POFUT3: variants seen among roughly 807,000 people sequenced by gnomAD.
POFUT3 encodes the protein protein O-fucosyltransferase 3.
chr8:33,322,560 G>A, the POFUT3 span, among the ~76,000 whole-genome samples: 1 of 152,016 alleles, frequency 6.6e-6, no homozygotes, highest in Admixed American at 6.6e-5. Context: ...GGGATGGCAG[G>A]CAGGTGTATG....
chr8:33,432,934 C>T, the POFUT3 span, among the ~76,000 whole-genome samples: 1 of 151,972 alleles, frequency 6.6e-6, no homozygotes, highest in Non-Finnish European at 1.5e-5. Context: ...TATAGAAGTA[C>T]TTAAAATCAT....
At chr8:33,321,719 T>A in the POFUT3 span, among the ~76,000 whole-genome samples, 1 of 152,110 alleles carries the variant, frequency 6.6e-6, no homozygotes, top group Admixed American at 6.6e-5. Flanking sequence ...GGTGGCCATC[T>A]TGGAAACAAA....
the POFUT3 span, chr8:33,436,200 G>C: frequency 7.8e-7 from 1 of 1,279,654 alleles, no homozygotes; most frequent in African/African-American, 1.5e-5. Context: ...GCACCAAGCC[G>C]AGAACGTCCC....
the POFUT3 span, among the ~76,000 whole-genome samples, chr8:33,318,092 T>C: frequency 1.3e-5 from 2 of 152,106 alleles, no homozygotes; most frequent in African/African-American, 4.8e-5. Flanking sequence ...CTTTTGATGC[T>C]CTGGGCATAA....
chr8:33,331,709 T>C, the POFUT3 span, among the ~76,000 whole-genome samples: 1 of 151,898 alleles, frequency 6.6e-6, no homozygotes, highest in Non-Finnish European at 1.5e-5. Flanking sequence ...GGAGTCTCGC[T>C]CTGTCGCCCA....
the POFUT3 span, among the ~76,000 whole-genome samples, chr8:33,318,304 G>A: frequency 6.6e-6 from 1 of 150,712 alleles, no homozygotes; most frequent in East Asian, 1.9e-4. Context: ...GAATCTTGGG[G>A]GTGCTTAAAA....
chr8:33,387,523 G>C, the POFUT3 span, among the ~76,000 whole-genome samples: 1 of 152,128 alleles, frequency 6.6e-6, no homozygotes, highest in South Asian at 2.1e-4. Context: ...TTTAGATAAG[G>C]CCAGATGTGG....
chr8:33,317,247 G>T, the POFUT3 span, among the ~76,000 whole-genome samples: 1 of 152,090 alleles, frequency 6.6e-6, no homozygotes, highest in Non-Finnish European at 1.5e-5. Flanking sequence ...TCAGAAGCCT[G>T]GACCCCCACC....
chr8:33,345,035 C>T, the POFUT3 span, among the ~76,000 whole-genome samples: 30 of 152,118 alleles, frequency 2.0e-4, no homozygotes, highest in African/African-American at 6.8e-4. Flanking sequence ...GCAACTGAGA[C>T]GGTGATATAG....
At chr8:33,425,271 C>T in the POFUT3 span, among the ~76,000 whole-genome samples, 1 of 152,006 alleles carries the variant, frequency 6.6e-6, no homozygotes, top group Non-Finnish European at 1.5e-5. Context: ...GAGTTCAAAA[C>T]TGCAGTGAGC....
chr8:33,389,395 G>A, the POFUT3 span: 3 of 1,614,182 alleles, frequency 1.9e-6, no homozygotes, highest in South Asian at 1.1e-5. Context: ...CATCCATAGA[G>A]GCTGGATTTT....
At chr8:33,400,601 C>T in the POFUT3 span, among the ~76,000 whole-genome samples, 1 of 151,956 alleles carries the variant, frequency 6.6e-6, no homozygotes, top group African/African-American at 2.4e-5. Context: ...CTTTCTTATA[C>T]CTAGACTTTG....
the POFUT3 span, among the ~76,000 whole-genome samples, chr8:33,345,904 C>T: frequency 5.2e-4 from 79 of 150,626 alleles, no homozygotes; most frequent in South Asian, 4.4e-3. Flanking sequence ...TGGCTCACCA[C>T]GACCTCTGCC....
At chr8:33,338,706 G>A in the POFUT3 span, among the ~76,000 whole-genome samples, 1 of 152,176 alleles carries the variant, frequency 6.6e-6, no homozygotes, top group African/African-American at 2.4e-5. Context: ...CCCATCAGTA[G>A]TGAAGAGTTC....
the POFUT3 span, among the ~76,000 whole-genome samples, chr8:33,352,377 C>A: frequency 2.0e-5 from 3 of 152,160 alleles, no homozygotes; most frequent in African/African-American, 4.8e-5. Flanking sequence ...TTTCCCCGTG[C>A]AATGATGCAT....
chr8:33,442,204 A>T, the POFUT3 span, among the ~76,000 whole-genome samples: 3 of 151,900 alleles, frequency 2.0e-5, no homozygotes, highest in African/African-American at 4.8e-5. Flanking sequence ...TGACCTTGTG[A>T]TCTGCCCGCC....
At chr8:33,384,820 A>T in the POFUT3 span, among the ~76,000 whole-genome samples, 2 of 151,788 alleles carry the variant, frequency 1.3e-5, no homozygotes, top group African/African-American at 4.8e-5. Flanking sequence ...GAATCTGTCT[A>T]AAAAAAACAA....
chr8:33,344,397 G>A, the POFUT3 span, among the ~76,000 whole-genome samples: 5 of 152,224 alleles, frequency 3.3e-5, no homozygotes, highest in South Asian at 6.2e-4. Flanking sequence ...ACCACGTATC[G>A]ATGGTTAATG....
At chr8:33,449,935 C>CTTTTTT in the POFUT3 span, among the ~76,000 whole-genome samples, 69 of 112,298 alleles carry the variant, frequency 6.1e-4, no homozygotes, top group Non-Finnish European at 7.7e-4. Context: ...TGAAGCTTTT[C>CTTTTTT]TTTTTTTTTT....
Sources: allele counts gnomAD v4.1 joint callset (sites outside exome capture counted in the v4.1 genomes callset), GRCh38; gene constraint gnomAD v4.1.1; transcripts MANE v1.5; gene names NCBI Gene and HGNC (gene_info 2026-07-23, HGNC 2026-07-21).